Variants in NME7 observed in about 807,000 individuals in gnomAD.
NME7 encodes the protein NME/NM23 family member 7, also known as nucleoside diphosphate kinase 7.
In NME7, 41 loss-of-function variants were observed where a neutral mutation model predicts 49.1. That is an observed-to-expected ratio of 0.83 (90% CI 0.65 to 1.08). NME7 has a LOEUF of 1.08. Ranked by LOEUF, NME7 falls within the 50% of genes least tolerant of loss-of-function variation. The pLI is 0.00. For synonymous variants in NME7, 139 were observed against 150.6 expected, an observed-to-expected ratio of 0.92 and a Z score of 0.56; for missense variants, 423 against 463.4, an observed-to-expected ratio of 0.91 and a Z score of 0.80.
chr1:169,286,522 A>G (rs1650280480), intron 7 of NME7: 1 of 152,130 alleles, frequency 6.6e-6, no homozygotes, highest in Non-Finnish European at 1.5e-5. Flanking sequence ...CAAAAATAAG[A>G]AAAGAACTTG....
chr1:169,163,591 C>A (rs1659309771), intron 11 of NME7, among the ~76,000 whole-genome samples: 1 of 152,048 alleles, frequency 6.6e-6, no homozygotes, highest in Admixed American at 6.5e-5. Flanking sequence ...TTGGTGAAAT[C>A]TGAGTGGAGT....
chr1:169,132,625 G>A lies in NME7; in HGVS notation c.*160C>T, dbSNP rs1158852585. 2.8e-5 allele frequency: 17 copies of A among 617,320 alleles called. No individual in the cohort carries two copies. Among genetic ancestry groups the A allele is most frequent in the Non-Finnish European group, 3.9e-5 (14 of 359,724 alleles). The allele number at this position is 617,320 out of a possible 1,614,324, so 38.2% of individuals were successfully genotyped here. A position where few individuals can be genotyped will look rare whatever the true frequency, so the allele number is the denominator to read the frequency against. ...ATGTTGTCTACAGTGCAAAATCCAT[G>A]TTCTAACATATGTAATAATTGCCAG... On this transcript the variant is annotated 3_prime_UTR_variant, in exon 12 of 12. Coordinates refer to ENST00000367811, the MANE Select transcript of NME7 (RefSeq NM_013330.5).
intron 2 of NME7, among the ~76,000 whole-genome samples, chr1:169,323,976 C>G (rs10158861): frequency 0.1 from 15,101 of 151,556 alleles, 800 homozygotes; most frequent in Admixed American, 0.12. Flanking sequence ...GCCTCAGCCT[C>G]CCGAGTAGCT....
At chr1:169,274,545 C>T (rs1649624012) in intron 7 of NME7, among the ~76,000 whole-genome samples, 1 of 133,632 alleles carries the variant, frequency 7.5e-6, no homozygotes, top group Non-Finnish European at 1.8e-5. Flanking sequence ...GTCGCCTATG[C>T]CTATGTCCTG....
At chr1:169,307,142 G>C (rs1176686287) in intron 4 of NME7, among the ~76,000 whole-genome samples, 3 of 152,172 alleles carry the variant, frequency 2.0e-5, no homozygotes, top group Non-Finnish European at 4.4e-5. Context: ...TTTTAGGAGA[G>C]AGCTAAAATA....
chr1:169,179,808 C>CT (rs1463165071), intron 10 of NME7, among the ~76,000 whole-genome samples: 1 of 152,070 alleles, frequency 6.6e-6, no homozygotes, highest in African/African-American at 2.4e-5. Flanking sequence ...ACACTGGGGC[C>CT]TGTCAGAGGA....
intron 7 of NME7, among the ~76,000 whole-genome samples, chr1:169,250,602 G>A (rs1024440974): frequency 1.3e-5 from 2 of 151,792 alleles, no homozygotes; most frequent in African/African-American, 4.8e-5. Context: ...TTTTAATGTA[G>A]GTATTTAGCA....
chr1:169,285,323 T>C (rs956472535), intron 7 of NME7: 1 of 152,108 alleles, frequency 6.6e-6, no homozygotes, highest in Non-Finnish European at 1.5e-5. Context: ...ATTTTTGGAT[T>C]AGGGATACCA....
chr1:169,201,800 G>A (rs1660559174), intron 10 of NME7, among the ~76,000 whole-genome samples: 1 of 152,192 alleles, frequency 6.6e-6, no homozygotes, highest in South Asian at 2.1e-4. Flanking sequence ...CTCAGGAGGT[G>A]TTCTTAGACT....
At chr1:169,311,666 C>T (rs1651396529) in intron 3 of NME7, among the ~76,000 whole-genome samples, 1 of 151,904 alleles carries the variant, frequency 6.6e-6, no homozygotes, top group African/African-American at 2.4e-5. Context: ...TATTTTAATC[C>T]AGACTAACCT....
In NME7 at chr1:169,182,181, A is replaced by AAAAAAAAC. The variant is rs1314694466; in HGVS notation, c.991-12628_991-12627insGTTTTTTT. 4.0e-5 allele frequency among the ~76,000 whole-genome samples: 6 copies of AAAAAAAAC among 148,534 alleles called. No individual in the cohort carries two copies. The East Asian group carries it at 8.1e-4, about 20-fold the overall frequency. The stretch of plus-strand genomic sequence containing the variant: ...CACCACAACTAGCTAATTTAAAAAA[A>AAAAAAAAC]AAAAAAAACAACTCTGTAGAGATAA... On this transcript the variant is annotated intron_variant, in intron 10 of 11. Coordinates refer to ENST00000367811, the MANE Select transcript of NME7 (RefSeq NM_013330.5).
intron 3 of NME7, among the ~76,000 whole-genome samples, chr1:169,316,494 A>T (rs1286581613): frequency 6.6e-6 from 1 of 152,024 alleles, no homozygotes; most frequent in Non-Finnish European, 1.5e-5. Flanking sequence ...AGAACGTATA[A>T]ATATATTACC....
intron 1 of NME7, among the ~76,000 whole-genome samples, chr1:169,337,001 A>C (rs1015414603): frequency 2.6e-5 from 4 of 152,262 alleles, no homozygotes; most frequent in African/African-American, 9.6e-5. Flanking sequence ...TCAGGAACCC[A>C]GCTGGCTTCA....
At chr1:169,134,908 G>T (rs1232677661) in intron 11 of NME7, among the ~76,000 whole-genome samples, 3 of 149,210 alleles carry the variant, frequency 2.0e-5, no homozygotes, top group Non-Finnish European at 3.0e-5. Flanking sequence ...AGGCACAGTG[G>T]CTCATGCCTG....
intron 10 of NME7, among the ~76,000 whole-genome samples, chr1:169,212,238 C>T (rs1290519579): frequency 6.6e-6 from 1 of 151,936 alleles, no homozygotes; most frequent in Non-Finnish European, 1.5e-5. Flanking sequence ...ATTTACTTTG[C>T]TATTTACTTA....
Position 169,282,007 on chromosome 1 carries a change from A to C in NME7, c.754+5296T>G, listed in dbSNP as rs1031987598. ...TCCCTCTTTTTCTATTGTTTGGAAC[A>C]GTTTCAGAAGGAATGGTACCAGCTC... On this transcript the variant is annotated intron_variant, in intron 7 of 11. Coordinates refer to ENST00000367811, the MANE Select transcript of NME7 (RefSeq NM_013330.5). Among the ~76,000 whole-genome samples the C allele has an allele frequency of 3.9e-5, 6 of 152,296 alleles. No individual in the cohort carries two copies. In the South Asian group the frequency reaches 8.3e-4, roughly 21 times the overall value.
intron 4 of NME7, among the ~76,000 whole-genome samples, chr1:169,308,625 G>A (rs1342192319): frequency 6.6e-6 from 1 of 152,020 alleles, no homozygotes; most frequent in African/African-American, 2.4e-5. Flanking sequence ...AAAAACAAAT[G>A]TCCAATATCA....
chr1:169,197,878 G>A (rs546752058), intron 10 of NME7, among the ~76,000 whole-genome samples: 1 of 152,094 alleles, frequency 6.6e-6, no homozygotes, highest in South Asian at 2.1e-4. Context: ...CTTAATCTAA[G>A]TTAAAAAACT....
At chr1:169,147,206 A>G (rs1452401102) in intron 11 of NME7, among the ~76,000 whole-genome samples, 1 of 152,254 alleles carries the variant, frequency 6.6e-6, no homozygotes, top group East Asian at 1.9e-4. Flanking sequence ...TCAGTTAATA[A>G]GGATAAAACC....
Sources: allele counts gnomAD v4.1 joint callset (sites outside exome capture counted in the v4.1 genomes callset), GRCh38; gene constraint gnomAD v4.1.1; transcripts MANE v1.5; gene names NCBI Gene and HGNC (gene_info 2026-07-23, HGNC 2026-07-21).